The following IPO8 variants were observed in gnomAD, a reference collection of about 807,000 sequenced individuals.
IPO8 encodes the protein importin 8, also known as importin-8.
IPO8 carries 65 observed loss-of-function variants against 141.2 expected under a neutral mutation model. The observed-to-expected ratio is 0.46, with a 90% CI of 0.38 to 0.57. The LOEUF (loss-of-function observed/expected upper bound fraction) is 0.57, where lower values mean the gene tolerates loss of function less well. Ranked by LOEUF, IPO8 falls within the 20% of genes least tolerant of loss-of-function variation. The pLI is 0.00. For synonymous variants in IPO8, 411 were observed against 420.3 expected (o/e 0.98, Z 0.27); for missense variants, 980 against 1,246.8 (o/e 0.79, Z 3.22).
At chr12:30,631,782 T>TTC (rs2052436278) in intron 24 of IPO8, 113 bp downstream of exon 24, 5 of 662,800 alleles carry the variant, frequency 7.5e-6, no homozygotes, top group Non-Finnish European at 1.4e-5. Context: ...TCTTAAAGGG[T>TTC]AAGTCTCTAA....
intron 2 of IPO8, chr12:30,688,281 G>T (rs2053261556): frequency 3.8e-6 from 1 of 264,918 alleles, no homozygotes; most frequent in Non-Finnish European, 7.6e-6. Context: ...AAATTTTTTT[G>T]TTTTGCTTGG....
intron 20 of IPO8, 43 bp downstream of exon 20, chr12:30,649,094 C>T (rs780678854): frequency 1.5e-6 from 2 of 1,302,238 alleles, no homozygotes; most frequent in East Asian, 2.3e-5. Flanking sequence ...ATGTAAACTT[C>T]AAATGTAACC....
At chr12:30,649,420 G>A (rs1384372279) in intron 19 of IPO8, among the ~76,000 whole-genome samples, 188 bp from the exon 20 acceptor site, 1 of 152,028 alleles carries the variant, frequency 6.6e-6, no homozygotes, top group Non-Finnish European at 1.5e-5. Context: ...TTTCTTATAA[G>A]GAGCAATAAT....
At chr12:30,638,713 C>G (rs958116905) in intron 21 of IPO8, among the ~76,000 whole-genome samples, 1 of 152,152 alleles carries the variant, frequency 6.6e-6, no homozygotes, top group East Asian at 1.9e-4. Context: ...GTCGCCCAGG[C>G]TGGAGTGCAG....
At chr12:30,638,876 TTA>T (rs1168472299) in intron 21 of IPO8, among the ~76,000 whole-genome samples, 1 of 152,168 alleles carries the variant, frequency 6.6e-6, no homozygotes, top group Non-Finnish European at 1.5e-5. Flanking sequence ...TTTCACCGTG[TTA>T]GCCAGAATGG....
intron 9 of IPO8, among the ~76,000 whole-genome samples, chr12:30,670,140 G>C (rs1182828369): frequency 6.6e-6 from 1 of 152,128 alleles, no homozygotes; most frequent in Non-Finnish European, 1.5e-5. Context: ...TAATTGCAAA[G>C]AAATTATCAC....
At chr12:30,652,377 A>C (rs879066955) in intron 18 of IPO8, 88 bp from the exon 19 acceptor site, 2 of 756,338 alleles carry the variant, frequency 2.6e-6, no homozygotes, top group South Asian at 1.5e-5. Context: ...TGTAGCACCC[A>C]CACATTAGTA....
At chr12:30,691,291 T>G (rs989042251) in intron 1 of IPO8, among the ~76,000 whole-genome samples, 2 of 152,200 alleles carry the variant, frequency 1.3e-5, no homozygotes, top group African/African-American at 4.8e-5. Context: ...TGGAACAGTG[T>G]GACTCACGAG....
intron 15 of IPO8, 87 bp downstream of exon 15, chr12:30,662,240 C>G: frequency 9.5e-7 from 1 of 1,048,862 alleles, no homozygotes. Context: ...CATGACTGTA[C>G]AAATAAAACT....
chr12:30,679,720 A>G (rs1591842818), intron 5 of IPO8, among the ~76,000 whole-genome samples: 1 of 152,316 alleles, frequency 6.6e-6, no homozygotes, highest in East Asian at 1.9e-4. Context: ...AAAGCCAAGG[A>G]TGGATCCAAA....
Position 30,684,292 on chromosome 12 carries a change from A to C in IPO8, c.323+9T>G. ...TTTCTAGTAATCACAAATATATAGC[A>C]CCACATACCTCACTAAATCTGGAGA... On this transcript the variant is annotated intron_variant, in intron 3 of 24. Transcript: ENST00000256079. The C allele has an allele frequency of 6.2e-7, 1 of 1,612,798 alleles. No homozygotes were observed. Among genetic ancestry groups the C allele is most frequent in the Non-Finnish European group, 8.5e-7 (1 of 1,179,150 alleles).
chr12:30,677,045 C>T (rs1355439829), intron 5 of IPO8: 1 of 1,524,374 alleles, frequency 6.6e-7, no homozygotes, highest in South Asian at 1.2e-5. Flanking sequence ...ATATGGCTCA[C>T]CTCTGCTGTA....
intron 23 of IPO8, among the ~76,000 whole-genome samples, chr12:30,633,081 G>A (rs547936327): frequency 1.3e-5 from 2 of 152,234 alleles, no homozygotes; most frequent in East Asian, 3.9e-4. Context: ...CCATCTCCAC[G>A]TTTATGCTGT....
rs576637516 is a variant in IPO8, at chr12:30,663,767, C to G, written c.1429-113G>C. On this transcript the variant is annotated intron_variant, in intron 13 of 24. Transcript: ENST00000256079. ...TATCAATTCTATGAAGAAATGTTTG[C>G]TTTTGGGGTAACACAGTAGCCTTAG... 6 of 821,440 alleles carry G rather than the reference C, an allele frequency of 7.3e-6. No individual in the cohort carries two copies. The Admixed American group carries it at 2.3e-4, about 31-fold the overall frequency. The allele number at this position is 821,440 out of a possible 1,614,324, so 50.9% of individuals were successfully genotyped here.
At chr12:30,687,631 T>G (rs1424254264) in intron 2 of IPO8, among the ~76,000 whole-genome samples, 3 of 152,104 alleles carry the variant, frequency 2.0e-5, no homozygotes, top group African/African-American at 7.2e-5. Flanking sequence ...AATGTGTCAA[T>G]TCTATCAAAA....
intron 14 of IPO8, among the ~76,000 whole-genome samples, chr12:30,663,158 A>T (rs754199255): frequency 2.0e-5 from 3 of 152,078 alleles, no homozygotes; most frequent in Non-Finnish European, 4.4e-5. Context: ...CTAAACTTAA[A>T]TATGTGGAAA....
Position 30,669,225 on chromosome 12 carries a change from G to T in IPO8, c.1102C>A (p.Leu368Met). 1 of 1,594,418 alleles carries T rather than the reference G, an allele frequency of 6.3e-7. No homozygotes were observed. The highest frequency in any genetic ancestry group is 1.3e-5 in the African/African-American group (1 of 74,288). Residue 368 changes from leucine (L) to methionine (M), a missense_variant, in exon 10 of 25, where the codon CTG becomes ATG. By Grantham distance (15) the Leu-to-Met change is conservative (BLOSUM62 2). This residue lies in a region of IPO8 where 924 missense variants were observed against 1,153.9 expected (regional missense o/e 0.80). Transcript: ENST00000256079. ...VMCYKDEDEE[L>M]WQEDPYEYIR... ...TACTCATATGGATCTTCTTGCCACA[G>T]CTCTTCATCCTCATCTTTATAACAC... is the stretch of plus-strand genomic sequence containing the variant.
chr12:30,631,630 AC>A (rs1391118958), intron 24 of IPO8: 5 of 291,344 alleles, frequency 1.7e-5, no homozygotes, highest in African/African-American at 1.1e-4. Context: ...CCCAACCCTT[AC>A]TTTGTACCTT....
At position 30,665,208 on chromosome 12, in the gene IPO8, T is replaced by C; in HGVS notation, c.1428+12A>G. 1.4e-6 allele frequency: 2 copies of C among 1,398,966 alleles called. No individual in the cohort carries two copies. Among genetic ancestry groups the C allele is most frequent in the Non-Finnish European group, 2.0e-6 (2 of 1,002,136 alleles). 86.7% of individuals were successfully genotyped at this position (1,398,966 alleles called of 1,614,324 possible). ...AGATTTAAGATACATAACAGAAATATGAAAAACTTACTCTAGCTCGAAGAT... is the reference window on the plus strand; with the variant it reads ...AGATTTAAGATACATAACAGAAATACGAAAAACTTACTCTAGCTCGAAGAT... On this transcript the variant is annotated intron_variant, in intron 13 of 24. Coordinates refer to ENST00000256079, the MANE Select transcript of IPO8 (RefSeq NM_006390.4).
Sources: allele counts gnomAD v4.1 joint callset (sites outside exome capture counted in the v4.1 genomes callset), GRCh38; gene constraint gnomAD v4.1.1; regional missense constraint gnomAD v4.1.1; transcripts MANE v1.5; gene names NCBI Gene and HGNC (gene_info 2026-07-23, HGNC 2026-07-21).